Variants in WRN observed in about 807,000 individuals in gnomAD.
WRN encodes WRN RecQ like helicase.
WRN carries 149 observed loss-of-function variants against 180.7 expected under a neutral mutation model. That is an observed-to-expected ratio of 0.82 (90% CI 0.72 to 0.94). The LOEUF (loss-of-function observed/expected upper bound fraction) is 0.94, where lower values mean the gene tolerates loss of function less well. Ranked by LOEUF, WRN falls within the 40% of genes least tolerant of loss-of-function variation. The probability of loss-of-function intolerance (pLI) is 0.00; values close to 1 mark genes in which losing one functional copy is unlikely to be tolerated. For synonymous variants in WRN, 548 were observed against 568.9 expected (o/e 0.96, Z 0.52); for missense variants, 1,661 against 1,700.1 (o/e 0.98, Z 0.40).
chr8:31,159,711 G>A (rs1803534953), intron 33 of WRN, among the ~76,000 whole-genome samples: 1 of 151,816 alleles, frequency 6.6e-6, no homozygotes, highest in Admixed American at 6.6e-5. Flanking sequence ...AGGCCAAGAC[G>A]GGCAGATGAC....
At chr8:31,045,866 T>C (rs1811844411) in intron 1 of WRN, among the ~76,000 whole-genome samples, 1 of 152,196 alleles carries the variant, frequency 6.6e-6, no homozygotes, top group African/African-American at 2.4e-5. Flanking sequence ...TCTGATGACT[T>C]TTTTTCTTGG....
In WRN at chr8:31,071,285, A is replaced by G. The variant is rs189266226; in HGVS notation, c.724+2958A>G. On this transcript the variant is annotated intron_variant, in intron 7 of 34. Transcript: ENST00000298139. ...CCCAAGAGCAATCGAAGTGACTGAG[A>G]GTTTTAAACACAGCAGTGAAGTGAA... 4.9e-3 allele frequency among the ~76,000 whole-genome samples: 751 copies of G among 152,216 alleles called. 8 individuals carry two copies. Among genetic ancestry groups the G allele is most frequent in the Non-Finnish European group, 2.5e-3 (167 of 68,014 alleles).
chr8:31,165,523 TATC>T (rs1338015802), intron 33 of WRN, among the ~76,000 whole-genome samples: 1 of 152,098 alleles, frequency 6.6e-6, no homozygotes, highest in African/African-American at 2.4e-5. Flanking sequence ...TTTAAAATTT[TATC>T]ATTTCAACAT....
chr8:31,082,876 T>A (rs11574227), intron 9 of WRN, among the ~76,000 whole-genome samples: 9,156 of 152,276 alleles, frequency 0.06, 276 homozygotes, highest in South Asian at 0.09. Context: ...GCCATTTTTT[T>A]ATTGGGTACT....
intron 7 of WRN, among the ~76,000 whole-genome samples, chr8:31,075,475 G>A (rs570096363): frequency 1.2e-4 from 18 of 152,142 alleles, no homozygotes; most frequent in African/African-American, 4.3e-4. Context: ...ACTTTGGGAG[G>A]CCAAGGTGGG....
intron 24 of WRN, among the ~76,000 whole-genome samples, chr8:31,139,183 G>A (rs537998519): frequency 9.3e-4 from 141 of 152,128 alleles, no homozygotes; most frequent in African/African-American, 3.2e-3. Flanking sequence ...AAACCATTAC[G>A]TTTGTAATAG....
chr8:31,112,982 A>C (rs1042475226), intron 19 of WRN, among the ~76,000 whole-genome samples: 3 of 151,898 alleles, frequency 2.0e-5, no homozygotes, highest in Non-Finnish European at 2.9e-5. Context: ...GACGTTGGAG[A>C]ATCACTTGAG....
At chr8:31,142,514 A>C (rs913887786) in intron 26 of WRN, 112 bp from the exon 27 acceptor site, 3 of 766,726 alleles carry the variant, frequency 3.9e-6, no homozygotes, top group African/African-American at 1.8e-5. Context: ...AAGAATCACC[A>C]GTTCTAAAAG....
chr8:31,076,412 A>T, intron 8 of WRN, 125 bp downstream of exon 8: 2 of 749,312 alleles, frequency 2.7e-6, no homozygotes, highest in East Asian at 2.7e-5. Flanking sequence ...GAATACACAC[A>T]CACAGACTGA....
chr8:31,034,434 A>T (rs1811367046), intron 1 of WRN, among the ~76,000 whole-genome samples: 1 of 152,058 alleles, frequency 6.6e-6, no homozygotes, highest in African/African-American at 2.4e-5. Flanking sequence ...TTCTCAGGCT[A>T]GGTTTGATAT....
At chr8:31,099,888 T>C (rs1168652061) in intron 17 of WRN, among the ~76,000 whole-genome samples, 1 of 152,166 alleles carries the variant, frequency 6.6e-6, no homozygotes, top group Non-Finnish European at 1.5e-5. Context: ...CACATTTTAC[T>C]TGTGAGAGGA....
chr8:31,091,926 AT>A (rs1813763211), intron 16 of WRN, 28 bp downstream of exon 16: 1 of 1,608,430 alleles, frequency 6.2e-7, no homozygotes, highest in African/African-American at 1.3e-5. Context: ...CTCAACTTTT[AT>A]TTTGGATTTA....
intron 34 of WRN, among the ~76,000 whole-genome samples, chr8:31,169,080 T>G (rs1804007586): frequency 6.6e-6 from 1 of 151,974 alleles, no homozygotes; most frequent in African/African-American, 2.4e-5. Flanking sequence ...TTTTAGTGTT[T>G]TATTCCATTA....
At chr8:31,114,893 GGT>G (rs774222316) in intron 19 of WRN, among the ~76,000 whole-genome samples, 25,702 of 135,406 alleles carry the variant, frequency 0.19, 2,507 homozygotes, top group South Asian at 0.26. Context: ...TTTAAAATAA[GGT>G]TTTTTTTTTT....
chr8:31,154,347 C>CT (rs1434013089), intron 31 of WRN, among the ~76,000 whole-genome samples: 1 of 151,844 alleles, frequency 6.6e-6, no homozygotes, highest in Non-Finnish European at 1.5e-5. Context: ...ATTATAGTTC[C>CT]TTTTTTTAGT....
At chr8:31,125,306 C>A (rs192335523) in intron 23 of WRN, among the ~76,000 whole-genome samples, 43 of 150,756 alleles carry the variant, frequency 2.9e-4, no homozygotes, top group African/African-American at 9.0e-4. Flanking sequence ...GTACGTTGTC[C>A]ACAAGAAATC....
At chr8:31,063,261 C>G (rs1217556668) in intron 3 of WRN, among the ~76,000 whole-genome samples, 1 of 152,164 alleles carries the variant, frequency 6.6e-6, no homozygotes, top group Admixed American at 6.5e-5. Flanking sequence ...CTTTTTTACT[C>G]AACACTACGT....
At chr8:31,037,364 C>T (rs896531736) in intron 1 of WRN, among the ~76,000 whole-genome samples, 6 of 152,324 alleles carry the variant, frequency 3.9e-5, no homozygotes, top group Middle Eastern at 3.4e-3. Context: ...AATGAAGCTT[C>T]GCTTGCTTGC....
intron 18 of WRN, among the ~76,000 whole-genome samples, chr8:31,110,090 A>G (rs1801246756): frequency 7.1e-6 from 1 of 141,058 alleles, no homozygotes; most frequent in Non-Finnish European, 1.5e-5. Flanking sequence ...TATTTAACCA[A>G]AACACTTAAC....
Sources: gnomAD v4.1 joint callset for allele counts (sites outside exome capture counted in the v4.1 genomes callset) on GRCh38, gnomAD v4.1.1 for gene constraint, MANE v1.5 for transcripts, NCBI Gene and HGNC (gene_info 2026-07-23, HGNC 2026-07-21) for gene names.